The following TMC2 variants were observed in gnomAD, a reference collection of about 807,000 sequenced individuals.
TMC2 encodes transmembrane channel-like protein 2.
TMC2 carries 102 observed loss-of-function variants against 105.9 expected under a neutral mutation model. The observed-to-expected ratio is 0.96, with a 90% confidence interval of 0.82 to 1.14. The LOEUF is 1.14. TMC2 is among the 50% of genes most tolerant of loss of function. TMC2 has a pLI of 0.00. For missense variants in TMC2, 1,093 were observed against 1,134.3 expected (o/e 0.96, Z 0.52); for synonymous variants, 402 against 422.8 (o/e 0.95, Z 0.60).
chr20:2,612,090 G>C, intron 12 of TMC2, 101 bp from the exon 13 acceptor site: 1 of 1,213,432 alleles, frequency 8.2e-7, no homozygotes, highest in Non-Finnish European at 1.1e-6. Flanking sequence ...GCAGAAGCTA[G>C]ATGGTAGGGT....
chr20:2,629,549 T>G (rs1468744993), intron 17 of TMC2, among the ~76,000 whole-genome samples: 3 of 53,320 alleles, frequency 5.6e-5, no homozygotes, highest in East Asian at 9.4e-4. Flanking sequence ...AAAAAAAAAG[T>G]GACCTCAAAA....
rs1380563670 is a variant in TMC2, at chr20:2,594,870, C to T, written c.979C>T (p.Gln327Ter). 1 of 1,614,158 alleles carries T rather than the reference C, an allele frequency of 6.2e-7. No individual in the cohort carries two copies. Among genetic ancestry groups the T allele is most frequent in the South Asian group, 1.1e-5 (1 of 91,084 alleles). ...SALFYGYYNN[Q>*]RTIGWLRYRL... is the part of the protein sequence containing the mutation. ...ACTCTTCTATGGCTACTACAACAAC[C>T]AGAGGACCATCGGGTGGCTGAGGTA... The change falls in exon 9 of 20, where the codon CAG (glutamine) becomes TAG (stop). Residue 327 changes from glutamine (Q) to a stop codon, truncating the protein, a stop_gained. Transcript: ENST00000358864. LOFTEE classifies it high-confidence loss of function.
At chr20:2,538,773 T>C (rs1278416582) in intron 2 of TMC2, among the ~76,000 whole-genome samples, 9 of 152,170 alleles carry the variant, frequency 5.9e-5, no homozygotes, top group Non-Finnish European at 4.4e-5. Flanking sequence ...CAGATCTAAG[T>C]GGTGAAGGGG....
At chr20:2,557,986 GT>G (rs1365105457) in intron 2 of TMC2, among the ~76,000 whole-genome samples, 1 of 152,196 alleles carries the variant, frequency 6.6e-6, no homozygotes, top group Non-Finnish European at 1.5e-5. Flanking sequence ...TTTAATGTAA[GT>G]TTTAGGGAAC....
At chr20:2,610,660 T>G in intron 12 of TMC2, 62 bp downstream of exon 12, 1 of 979,940 alleles carries the variant, frequency 1.0e-6, no homozygotes, top group Non-Finnish European at 1.3e-6. Flanking sequence ...TTTTCTTTTT[T>G]AATATAATAA....
chr20:2,618,663 T>A (rs57292313), intron 16 of TMC2, among the ~76,000 whole-genome samples: 3,538 of 152,146 alleles, frequency 0.023, 136 homozygotes, highest in African/African-American at 0.078. Context: ...TGTAAGGAGG[T>A]AGATCAAGAG....
At chr20:2,634,874 C>T (rs1016037393) in intron 17 of TMC2, among the ~76,000 whole-genome samples, 2 of 152,134 alleles carry the variant, frequency 1.3e-5, no homozygotes, top group African/African-American at 4.8e-5. Flanking sequence ...TCAGAAGGCT[C>T]ACTTGACAGC....
At chr20:2,612,450 C>A in intron 13 of TMC2, 110 bp downstream of exon 13, 4 of 1,074,992 alleles carry the variant, frequency 3.7e-6, no homozygotes, top group Non-Finnish European at 5.0e-6. Flanking sequence ...AGCTGTTCAT[C>A]CAGCAAACAT....
In TMC2 at chr20:2,574,162, A is replaced by T. The variant is rs371560833; in HGVS notation, c.645+1893A>T. Among the ~76,000 whole-genome samples the T allele has an allele frequency of 5.9e-5, 9 of 152,358 alleles. No individual in the cohort carries two copies. In the East Asian group the frequency reaches 1.5e-3, roughly 26 times the overall value. Reference sequence around the variant, plus strand: ...GACTTCCATTTCATTGGAAATAGATAATTAGGTTTTATTAAACACCTTTTC... The same window carrying T: ...GACTTCCATTTCATTGGAAATAGATTATTAGGTTTTATTAAACACCTTTTC... On this transcript the variant is annotated intron_variant, in intron 5 of 19. Transcript: ENST00000358864.
chr20:2,584,508 A>G (rs6115046), intron 7 of TMC2, among the ~76,000 whole-genome samples: 10,548 of 151,702 alleles, frequency 0.07, 1,228 homozygotes, highest in African/African-American at 0.24. Context: ...ATGCCTAAAA[A>G]ATGAAATATT....
At position 2,572,285 on chromosome 20, in the gene TMC2, G is replaced by C; in HGVS notation, c.645+16G>C. The C allele has an allele frequency of 6.3e-7, 1 of 1,593,538 alleles. No homozygotes were observed. The highest frequency in any genetic ancestry group is 1.3e-5 in the African/African-American group (1 of 74,454). ...GATGGCCAAGGTGTGTGGGGTGGGG[G>C]CAGTGAATCTGTTGGGAGGGCTTGC... On this transcript the variant is annotated intron_variant, in intron 5 of 19. Coordinates refer to ENST00000358864, the MANE Select transcript of TMC2 (RefSeq NM_080751.3).
intron 2 of TMC2, among the ~76,000 whole-genome samples, chr20:2,544,254 A>C (rs549767420): frequency 6.6e-6 from 1 of 152,158 alleles, no homozygotes; most frequent in African/African-American, 2.4e-5. Flanking sequence ...CCCTTGCTGG[A>C]TGATTTGAAT....
At chr20:2,590,210 A>C (rs1447564298) in intron 7 of TMC2, among the ~76,000 whole-genome samples, 1 of 152,188 alleles carries the variant, frequency 6.6e-6, no homozygotes. Flanking sequence ...AAACAGGCAA[A>C]ACAAAACAAT....
intron 17 of TMC2, among the ~76,000 whole-genome samples, chr20:2,629,741 C>G (rs1302225259): frequency 3.3e-5 from 5 of 152,198 alleles, no homozygotes; most frequent in Admixed American, 2.6e-4. Context: ...CAGTAAACAG[C>G]CTGTATAATG....
At chr20:2,557,910 G>A (rs1418888234) in intron 2 of TMC2, among the ~76,000 whole-genome samples, 1 of 152,190 alleles carries the variant, frequency 6.6e-6, no homozygotes, top group Non-Finnish European at 1.5e-5. Context: ...CTTAGCCATT[G>A]CAAGGTTTGT....
At position 2,543,008 on chromosome 20, in the gene TMC2, G is replaced by A. The variant is rs537795926; in HGVS notation, c.82+5692G>A. Reference sequence around the variant, plus strand: ...TCCCAGCACTTTGGGAGGCCAAGGTGGGCGAATCACTTGAGGTCAGGAGTT... The same window carrying A: ...TCCCAGCACTTTGGGAGGCCAAGGTAGGCGAATCACTTGAGGTCAGGAGTT... On this transcript the variant is annotated intron_variant, in intron 2 of 19. Coordinates refer to ENST00000358864, the MANE Select transcript of TMC2 (RefSeq NM_080751.3). Among the ~76,000 whole-genome samples the A allele has an allele frequency of 1.4e-4, 21 of 152,110 alleles. No individual in the cohort carries two copies. In the East Asian group the frequency reaches 3.1e-3, roughly 22 times the overall value.
chr20:2,624,838 A>C (rs1015900321), intron 17 of TMC2, among the ~76,000 whole-genome samples: 19 of 151,910 alleles, frequency 1.3e-4, no homozygotes, highest in Non-Finnish European at 2.6e-4. Context: ...ATCTGCAACA[A>C]CTCCCACTAA....
intron 7 of TMC2, among the ~76,000 whole-genome samples, chr20:2,591,070 T>C (rs1027220218): frequency 4.7e-5 from 7 of 147,862 alleles, no homozygotes; most frequent in Non-Finnish European, 1.0e-4. Flanking sequence ...AATATATAAA[T>C]CTAATCCATT....
At chr20:2,556,761 T>C (rs1277922317) in intron 2 of TMC2, among the ~76,000 whole-genome samples, 1 of 152,202 alleles carries the variant, frequency 6.6e-6, no homozygotes, top group African/African-American at 2.4e-5. Flanking sequence ...AAAACTTTTT[T>C]TGCAAGGCAG....
Sources: gnomAD v4.1 joint callset for allele counts (sites outside exome capture counted in the v4.1 genomes callset) on GRCh38, gnomAD v4.1.1 for gene constraint, MANE v1.5 for transcripts, NCBI Gene and HGNC (gene_info 2026-07-23, HGNC 2026-07-21) for gene names.